The following CARMIL1 variants were observed in gnomAD, a reference collection of about 807,000 sequenced individuals.
The protein encoded by CARMIL1 is capping protein regulator and myosin 1 linker 1.
In CARMIL1, 90 loss-of-function variants were observed where a neutral mutation model predicts 177.1. The observed-to-expected ratio is 0.51, with a 90% CI of 0.43 to 0.61. The LOEUF (loss-of-function observed/expected upper bound fraction) is 0.61, where lower values mean the gene tolerates loss of function less well. CARMIL1 is among the 20% of genes least tolerant of loss of function. The probability of loss-of-function intolerance (pLI) is 0.00; values close to 1 mark genes in which losing one functional copy is unlikely to be tolerated. For missense variants in CARMIL1, 1,380 were observed against 1,667.0 expected (o/e 0.83, Z 3.00); for synonymous variants, 577 against 606.2 (o/e 0.95, Z 0.71).
chr6:25,351,268 T>G (rs1788079530), intron 2 of CARMIL1, among the ~76,000 whole-genome samples: 1 of 152,250 alleles, frequency 6.6e-6, no homozygotes, highest in Admixed American at 6.5e-5. Context: ...ATTGATTACA[T>G]GCTTAAAGGA....
Position 25,610,040 on chromosome 6 carries a change from G to T in CARMIL1, c.3848-10G>T, listed in dbSNP as rs372275434. ...GGAACAGTTTGATTCACGTGTTTGT[G>T]TCTCCTTAGATGACATTCCAGACTC... On this transcript the variant is annotated splice_polypyrimidine_tract_variant and intron_variant, in intron 35 of 36. Transcript: ENST00000329474. 151 of 1,610,596 alleles carry T rather than the reference G, an allele frequency of 9.4e-5. 1 individual carries two copies. In the South Asian group the frequency reaches 1.1e-3, roughly 11 times the overall value.
intron 33 of CARMIL1, among the ~76,000 whole-genome samples, chr6:25,601,947 A>G (rs1815451908): frequency 6.6e-6 from 1 of 152,224 alleles, no homozygotes. Flanking sequence ...TTCTCCAAGA[A>G]AGGAAATCAC....
intron 36 of CARMIL1, among the ~76,000 whole-genome samples, chr6:25,618,148 T>C (rs987978112): frequency 6.6e-5 from 10 of 152,212 alleles, no homozygotes; most frequent in Non-Finnish European, 1.3e-4. Flanking sequence ...AATACCAGTA[T>C]TGGCAGGAGA....
At chr6:25,329,083 C>T (rs1785373480) in intron 2 of CARMIL1, among the ~76,000 whole-genome samples, 1 of 152,140 alleles carries the variant, frequency 6.6e-6, no homozygotes, top group African/African-American at 2.4e-5. Context: ...GGCGTAAAGC[C>T]AGATGTCACA....
chr6:25,314,001 T>G (rs1784060834), intron 2 of CARMIL1, among the ~76,000 whole-genome samples: 1 of 151,396 alleles, frequency 6.6e-6, no homozygotes, highest in South Asian at 2.1e-4. Flanking sequence ...GTAGTCAGTC[T>G]TTTTCTAATT....
At chr6:25,573,092 T>G (rs1330273786) in intron 29 of CARMIL1, among the ~76,000 whole-genome samples, 1 of 152,116 alleles carries the variant, frequency 6.6e-6, no homozygotes, top group Non-Finnish European at 1.5e-5. Flanking sequence ...GAATCCTGGC[T>G]TATGTTTTTC....
intron 36 of CARMIL1, among the ~76,000 whole-genome samples, chr6:25,612,015 C>A (rs577214419): frequency 6.6e-6 from 1 of 152,214 alleles, no homozygotes; most frequent in Non-Finnish European, 1.5e-5. Context: ...AGTAGCAAAT[C>A]TTAGGAATGG....
At chr6:25,384,053 G>C (rs752822317) in intron 2 of CARMIL1, among the ~76,000 whole-genome samples, 8 of 152,104 alleles carry the variant, frequency 5.3e-5, no homozygotes, top group Non-Finnish European at 1.0e-4. Context: ...TTGCCAGGCA[G>C]GTCTCGAACT....
rs140772193 is a variant in CARMIL1 at position 25,411,394 on chromosome 6, G to A, written c.139-8720G>A. Among the ~76,000 whole-genome samples, 8 of 152,242 alleles carry A rather than the reference G, an allele frequency of 5.3e-5. No individual in the cohort carries two copies. The South Asian group carries it at 1.5e-3, about 28-fold the overall frequency. Reference sequence around the variant, plus strand: ...TAAAGATGCCCATTCATGTTAGTGTGTCACTGCTAAAGTACTGTCATTAAA... The same window carrying A: ...TAAAGATGCCCATTCATGTTAGTGTATCACTGCTAAAGTACTGTCATTAAA... On this transcript the variant is annotated intron_variant, in intron 2 of 36. Coordinates refer to ENST00000329474, the MANE Select transcript of CARMIL1 (RefSeq NM_017640.6).
intron 29 of CARMIL1, among the ~76,000 whole-genome samples, chr6:25,557,393 T>C (rs943855492): frequency 1.3e-5 from 2 of 152,194 alleles, no homozygotes; most frequent in Non-Finnish European, 2.9e-5. Flanking sequence ...AAATTTCATG[T>C]AGCATATCCA....
At chr6:25,333,387 A>AC (rs1335921998) in intron 2 of CARMIL1, among the ~76,000 whole-genome samples, 1 of 151,808 alleles carries the variant, frequency 6.6e-6, no homozygotes, top group African/African-American at 2.4e-5. Flanking sequence ...ACATCACAAG[A>AC]CCCCTTCTCT....
intron 2 of CARMIL1, among the ~76,000 whole-genome samples, chr6:25,352,278 C>T (rs183946471): frequency 1.3e-5 from 2 of 151,204 alleles, no homozygotes; most frequent in Admixed American, 1.3e-4. Flanking sequence ...ACCTGGTCAT[C>T]TTGCTCTTTC....
chr6:25,554,323 A>G lies in CARMIL1; in HGVS notation c.2592+227A>G, dbSNP rs111818546. Among the ~76,000 whole-genome samples the G allele has an allele frequency of 2.0e-3, 302 of 152,338 alleles. 2 individuals carry two copies. The highest frequency in any genetic ancestry group is 0.014 in the Middle Eastern group (4 of 294). Reference sequence around the variant, plus strand: ...GATAAGGGAAAGCAGAACTGATTGTATCCAGAAATCTTATTGTTCATTTAT... The same window carrying G: ...GATAAGGGAAAGCAGAACTGATTGTGTCCAGAAATCTTATTGTTCATTTAT... On this transcript the variant is annotated intron_variant, in intron 28 of 36. Transcript: ENST00000329474. This position sits in a 1 kb window ranked among gnomAD's most constrained non-coding sequence, Gnocchi z 4.6.
chr6:25,565,794 G>A (rs7776417), intron 29 of CARMIL1, among the ~76,000 whole-genome samples: 24,989 of 152,048 alleles, frequency 0.16, 2,353 homozygotes, highest in East Asian at 0.4. Context: ...GCAGTGAGCC[G>A]AAACAGCCTG....
intron 34 of CARMIL1, among the ~76,000 whole-genome samples, chr6:25,605,449 G>C (rs1007025051): frequency 6.6e-6 from 1 of 152,210 alleles, no homozygotes; most frequent in African/African-American, 2.4e-5. Flanking sequence ...AGAGTCTTAT[G>C]CATAGCTACA....
At position 25,515,619 on chromosome 6, in the gene CARMIL1, A is replaced by G. The variant is rs1805909761; in HGVS notation, c.1633-56A>G. The G allele has an allele frequency of 2.0e-6, 3 of 1,501,720 alleles. No individual in the cohort carries two copies. In the Admixed American group the frequency reaches 6.0e-5, roughly 30 times the overall value. 93.0% of individuals were successfully genotyped at this position (1,501,720 alleles called of 1,614,324 possible). A position where few individuals can be genotyped will look rare whatever the true frequency, so the allele number is the denominator to read the frequency against. On this transcript the variant is annotated intron_variant, in intron 20 of 36. Coordinates refer to ENST00000329474, the MANE Select transcript of CARMIL1 (RefSeq NM_017640.6). This position sits in a 1 kb window ranked among gnomAD's most constrained non-coding sequence, Gnocchi z 5.0. ...TCATTCTCCACGAAATGCGTCGTGG[A>G]GAGTGGGTGCTGCTTTGATGAGACT...
At chr6:25,304,002 C>T (rs1783070147) in intron 2 of CARMIL1, among the ~76,000 whole-genome samples, 1 of 152,204 alleles carries the variant, frequency 6.6e-6, no homozygotes, top group Admixed American at 6.5e-5. Flanking sequence ...GATCACTCTG[C>T]TTTAAAAGTC....
At chr6:25,464,064 C>T (rs535033903) in intron 8 of CARMIL1, among the ~76,000 whole-genome samples, 37 of 152,096 alleles carry the variant, frequency 2.4e-4, no homozygotes, top group African/African-American at 6.5e-4. Context: ...CCTCGTGATC[C>T]GCCCGTCTCG....
intron 24 of CARMIL1, among the ~76,000 whole-genome samples, chr6:25,532,089 CT>C (rs111958767): frequency 4.8e-4 from 67 of 140,746 alleles, no homozygotes; most frequent in South Asian, 9.2e-4. Context: ...CTTTTCTTTT[CT>C]TTTTTTTTTT....
Sources: gnomAD v4.1 joint callset for allele counts (sites outside exome capture counted in the v4.1 genomes callset) on GRCh38, gnomAD v4.1.1 for gene constraint, Gnocchi (gnomAD v3.1) non-coding constraint, MANE v1.5 for transcripts, NCBI Gene and HGNC (gene_info 2026-07-23, HGNC 2026-07-21) for gene names.